The following SLC4A10 variants were observed in gnomAD, a reference collection of about 807,000 sequenced individuals.
SLC4A10 encodes the protein sodium-driven chloride bicarbonate exchanger.
Under a neutral mutation model 137.7 loss-of-function variants are expected in SLC4A10, and 42 were observed. The ratio of observed to expected loss-of-function variants is 0.30; its 90% CI spans 0.24 to 0.39. The LOEUF is 0.39. Among genes scored for constraint, SLC4A10 ranks in the 10% least tolerant of loss-of-function variants. SLC4A10 has a pLI of 1.00. For synonymous variants in SLC4A10, 474 were observed against 464.1 expected (o/e 1.02, Z -0.27); for missense variants, 925 against 1,355.0 (o/e 0.68, Z 4.98).
chr2:161,684,033 A>G (rs1196180009), intron 1 of SLC4A10, among the ~76,000 whole-genome samples: 2 of 152,168 alleles, frequency 1.3e-5, no homozygotes, highest in Admixed American at 6.5e-5. Flanking sequence ...ATTAAACAAT[A>G]ACTCCCATTC....
chr2:161,846,492 G>A (rs887180159), intron 4 of SLC4A10, among the ~76,000 whole-genome samples: 4 of 152,098 alleles, frequency 2.6e-5, no homozygotes, highest in Non-Finnish European at 5.9e-5. Flanking sequence ...CCAGAGTAAT[G>A]AAAACATGTT....
At chr2:161,894,898 T>G in intron 11 of SLC4A10, 73 bp downstream of exon 11, 3 of 770,864 alleles carry the variant, frequency 3.9e-6, no homozygotes, top group Non-Finnish European at 3.4e-6. Flanking sequence ...TATTTTATTT[T>G]ATTTATTTAT....
chr2:161,713,206 G>A (rs1258167852), intron 1 of SLC4A10, among the ~76,000 whole-genome samples: 2 of 151,752 alleles, frequency 1.3e-5, no homozygotes, highest in African/African-American at 4.8e-5. Flanking sequence ...CCAGATAAGT[G>A]TAGAATCTTG....
intron 10 of SLC4A10, among the ~76,000 whole-genome samples, chr2:161,886,551 T>C (rs2062307147): frequency 6.6e-6 from 1 of 152,192 alleles, no homozygotes; most frequent in Non-Finnish European, 1.5e-5. Context: ...AATTATCACT[T>C]ACTAAGAATG....
rs1220349010 is a variant in SLC4A10, at chr2:161,624,581, G to A, written c.48+15G>A. On this transcript the variant is annotated intron_variant, in intron 1 of 26. Transcript: ENST00000446997. ...TGCTGCCTACGGTAAGAGACAACCTGCTATCACATAGATTAACCGCGTTTG... is the reference window on the plus strand; with the variant it reads ...TGCTGCCTACGGTAAGAGACAACCTACTATCACATAGATTAACCGCGTTTG... 1 of 1,552,226 alleles carries A rather than the reference G, an allele frequency of 6.4e-7. No homozygotes were observed.
At position 161,694,426 on chromosome 2, in the gene SLC4A10, C is replaced by T. The variant is rs527438482; in HGVS notation, c.48+69860C>T. ...ACCTCACAATGTTAAAGAAGAAATA[C>T]GATAAAATGTTTAATGAATGAAATT... On this transcript the variant is annotated intron_variant, in intron 1 of 26. Transcript: ENST00000446997. Among the ~76,000 whole-genome samples the T allele has an allele frequency of 4.1e-5, 6 of 145,732 alleles. No individual in the cohort carries two copies. The East Asian group carries it at 6.0e-4, about 15-fold the overall frequency.
intron 1 of SLC4A10, among the ~76,000 whole-genome samples, chr2:161,757,719 G>C (rs967446574): frequency 1.2e-4 from 19 of 152,210 alleles, no homozygotes; most frequent in African/African-American, 4.6e-4. Context: ...AGTGCCAATT[G>C]AAAGTATGAA....
At chr2:161,720,180 A>G (rs904911751) in intron 1 of SLC4A10, among the ~76,000 whole-genome samples, 7 of 152,024 alleles carry the variant, frequency 4.6e-5, no homozygotes, top group African/African-American at 1.2e-4. Flanking sequence ...GTTTTTCTCA[A>G]GTTTGTCAAA....
intron 6 of SLC4A10, among the ~76,000 whole-genome samples, chr2:161,870,264 T>C (rs1180225237): frequency 1.3e-5 from 2 of 151,654 alleles, no homozygotes; most frequent in Non-Finnish European, 3.0e-5. Context: ...GCTTAAAGTA[T>C]ACAAATGAAA....
chr2:161,761,696 G>A (rs1203333152), intron 1 of SLC4A10, among the ~76,000 whole-genome samples: 1 of 152,072 alleles, frequency 6.6e-6, no homozygotes, highest in Non-Finnish European at 1.5e-5. Flanking sequence ...GGCCCACTAG[G>A]AGAGATAGTA....
intron 1 of SLC4A10, among the ~76,000 whole-genome samples, chr2:161,703,109 T>G (rs1394599119): frequency 6.6e-6 from 1 of 151,730 alleles, no homozygotes; most frequent in African/African-American, 2.4e-5. Context: ...GGAGGGAAAT[T>G]CAGCAATTTT....
chr2:161,843,267 C>A (rs957065345), intron 4 of SLC4A10, among the ~76,000 whole-genome samples: 25 of 152,176 alleles, frequency 1.6e-4, no homozygotes, highest in Non-Finnish European at 2.9e-4. Flanking sequence ...AGCACTCTCA[C>A]TTTGTTACAG....
At chr2:161,720,756 T>G (rs180813536) in intron 1 of SLC4A10, among the ~76,000 whole-genome samples, 142 of 152,324 alleles carry the variant, frequency 9.3e-4, no homozygotes, top group Non-Finnish European at 1.7e-3. Flanking sequence ...TCCCTTTATT[T>G]TGAGCCTATC....
chr2:161,791,763 T>C (rs1483372904), intron 2 of SLC4A10, among the ~76,000 whole-genome samples: 2 of 152,194 alleles, frequency 1.3e-5, no homozygotes, highest in Non-Finnish European at 2.9e-5. Flanking sequence ...ATATAATTGA[T>C]TTCTGATATT....
At chr2:161,712,068 A>G (rs2044352576) in intron 1 of SLC4A10, among the ~76,000 whole-genome samples, 1 of 151,860 alleles carries the variant, frequency 6.6e-6, no homozygotes, top group Non-Finnish European at 1.5e-5. Context: ...TCTTTATCAA[A>G]TAAGAAATTC....
intron 1 of SLC4A10, among the ~76,000 whole-genome samples, chr2:161,733,720 C>T (rs114729943): frequency 0.019 from 2,841 of 152,222 alleles, 57 homozygotes; most frequent in African/African-American, 0.054. Flanking sequence ...TGGCAGCTTG[C>T]GCAGTGTGCC....
chr2:161,864,552 T>C (rs2060623527), intron 6 of SLC4A10, among the ~76,000 whole-genome samples: 2 of 152,170 alleles, frequency 1.3e-5, no homozygotes, highest in African/African-American at 4.8e-5. Flanking sequence ...TTGAGATAGT[T>C]GATTTTTAGG....
intron 25 of SLC4A10, among the ~76,000 whole-genome samples, chr2:161,977,096 A>G (rs908003581): frequency 6.6e-6 from 1 of 152,072 alleles, no homozygotes; most frequent in Non-Finnish European, 1.5e-5. Flanking sequence ...GTCACAATGC[A>G]TGACATTTTT....
At chr2:161,916,101 C>G (rs1687059684) in intron 15 of SLC4A10, among the ~76,000 whole-genome samples, 1 of 152,124 alleles carries the variant, frequency 6.6e-6, no homozygotes, top group Non-Finnish European at 1.5e-5. Context: ...CTTCCAGTTT[C>G]CAGAACTGTG....
Sources: gnomAD v4.1 joint callset for allele counts (sites outside exome capture counted in the v4.1 genomes callset) on GRCh38, gnomAD v4.1.1 for gene constraint, MANE v1.5 for transcripts, NCBI Gene and HGNC (gene_info 2026-07-23, HGNC 2026-07-21) for gene names.